The following PCLO variants were observed in gnomAD, a reference collection of about 807,000 sequenced individuals.
PCLO encodes the protein piccolo presynaptic cytomatrix protein.
PCLO carries 82 observed loss-of-function variants against 427.5 expected under a neutral mutation model. The observed-to-expected ratio is 0.19, with a 90% CI of 0.16 to 0.23. PCLO has a LOEUF of 0.23. Among genes scored for constraint, PCLO ranks in the 10% least tolerant of loss-of-function variants. The probability of loss-of-function intolerance (pLI) is 1.00; values close to 1 mark genes in which losing one functional copy is unlikely to be tolerated. For synonymous variants in PCLO, 2,357 were observed against 2,155.4 expected, an observed-to-expected ratio of 1.09 and a Z score of -2.59; for missense variants, 6,239 against 6,115.9, an observed-to-expected ratio of 1.02 and a Z score of -0.67.
intron 3 of PCLO, among the ~76,000 whole-genome samples, chr7:83,089,044 G>GA (rs1230356465): frequency 6.6e-6 from 1 of 152,030 alleles, no homozygotes; most frequent in Non-Finnish European, 1.5e-5. Context: ...GTATGTGAGA[G>GA]AAAATGAGTC....
At chr7:82,821,443 C>T in intron 20 of PCLO, 1 of 985,516 alleles carries the variant, frequency 1.0e-6, no homozygotes, top group Non-Finnish European at 1.2e-6. Flanking sequence ...ATGCACAGCA[C>T]TAAAGGGGTT....
chr7:82,919,184 T>G (rs1794539071), intron 6 of PCLO, among the ~76,000 whole-genome samples: 1 of 152,002 alleles, frequency 6.6e-6, no homozygotes, highest in Non-Finnish European at 1.5e-5. Context: ...CGTGTATACC[T>G]AAGTAACAAA....
chr7:83,071,661 A>T (rs1269082486), intron 3 of PCLO, among the ~76,000 whole-genome samples: 1 of 152,178 alleles, frequency 6.6e-6, no homozygotes, highest in Non-Finnish European at 1.5e-5. Context: ...CTAATAATAC[A>T]TCATGAATCT....
chr7:82,893,435 AG>A (rs1387641953), intron 9 of PCLO, among the ~76,000 whole-genome samples: 1 of 151,804 alleles, frequency 6.6e-6, no homozygotes, highest in Admixed American at 6.6e-5. Flanking sequence ...GGGTCAGGGA[AG>A]GGGGGAGGGA....
chr7:82,956,147 T>A lies in PCLO; in HGVS notation c.4806A>T (p.Lys1602Asn). 6.2e-7 allele frequency: 1 copy of A among 1,608,758 alleles called. No homozygotes were observed. Among genetic ancestry groups the A allele is most frequent in the South Asian group, 1.1e-5 (1 of 91,088 alleles). ...QKKEETKGKG[K>N]ITAGKHRRLT... Reference sequence around the variant, plus strand: ...GTCGTCTGTGTTTCCCTGCTGTTATTTTGCCTTTTCCCTTTGTTTCTTCCT... The same window carrying A: ...GTCGTCTGTGTTTCCCTGCTGTTATATTGCCTTTTCCCTTTGTTTCTTCCT... The change falls in exon 5 of 25, where the codon AAA (lysine) becomes AAT (asparagine). Residue 1602 changes from lysine (K) to asparagine (N), a missense_variant. By Grantham distance (94) the Lys-to-Asn change is moderately conservative. Transcript: ENST00000333891.
chr7:82,809,971 A>G (rs1362348762), intron 20 of PCLO, among the ~76,000 whole-genome samples: 1 of 151,700 alleles, frequency 6.6e-6, no homozygotes, highest in East Asian at 1.9e-4. Flanking sequence ...CAAAAAGTTC[A>G]TAATCACAAA....
At chr7:82,927,137 G>T (rs1162724915) in intron 6 of PCLO, among the ~76,000 whole-genome samples, 1 of 152,080 alleles carries the variant, frequency 6.6e-6, no homozygotes, top group Non-Finnish European at 1.5e-5. Context: ...GACTGCTTTA[G>T]AAAAAGATGA....
At chr7:82,949,448 C>T (rs1487459475) in intron 6 of PCLO, 28 bp downstream of exon 6, 2 of 1,499,948 alleles carry the variant, frequency 1.3e-6, no homozygotes, top group Non-Finnish European at 1.8e-6. Flanking sequence ...TCATCCATTG[C>T]CTTCCAACTG....
chr7:83,146,079 T>A (rs1791987423), intron 2 of PCLO, among the ~76,000 whole-genome samples: 1 of 152,226 alleles, frequency 6.6e-6, no homozygotes, highest in African/African-American at 2.4e-5. Flanking sequence ...ATAAAGTGCT[T>A]CGTGCACAGT....
intron 3 of PCLO, among the ~76,000 whole-genome samples, chr7:83,002,195 C>A (rs1787840688): frequency 6.6e-6 from 1 of 151,698 alleles, no homozygotes; most frequent in African/African-American, 2.4e-5. Context: ...ATCTTTTTCT[C>A]ATTCTATTAT....
At chr7:83,025,286 C>T (rs1056112274) in intron 3 of PCLO, among the ~76,000 whole-genome samples, 21 of 151,526 alleles carry the variant, frequency 1.4e-4, no homozygotes, top group Admixed American at 7.2e-4. Context: ...AAAACCAAGG[C>T]TCGAGAACTA....
At chr7:82,819,664 C>G (rs1791749429) in intron 20 of PCLO, among the ~76,000 whole-genome samples, 1 of 152,090 alleles carries the variant, frequency 6.6e-6, no homozygotes, top group Admixed American at 6.6e-5. Flanking sequence ...AATGTTTAAG[C>G]TGATTGTTTC....
intron 6 of PCLO, among the ~76,000 whole-genome samples, chr7:82,932,888 A>G (rs893378962): frequency 6.6e-6 from 1 of 152,046 alleles, no homozygotes; most frequent in Non-Finnish European, 1.5e-5. Context: ...TTACACTGTA[A>G]TAGAAAACTA....
Position 82,783,958 on chromosome 7 carries a change from C to T in PCLO, c.15007+17560G>A, listed in dbSNP as rs946143643. ...TATTACATGTATGTATATATAGACACATACATACATGAATCCGGAAGAAAT... is the reference window on the plus strand; with the variant it reads ...TATTACATGTATGTATATATAGACATATACATACATGAATCCGGAAGAAAT... On this transcript the variant is annotated intron_variant, in intron 22 of 24. Coordinates refer to ENST00000333891, the MANE Select transcript of PCLO (RefSeq NM_033026.6). 8.0e-5 allele frequency among the ~76,000 whole-genome samples: 12 copies of T among 150,746 alleles called. No individual in the cohort carries two copies. In the East Asian group the frequency reaches 2.4e-3, roughly 30 times the overall value.
chr7:83,037,697 G>T (rs1381610288), intron 3 of PCLO, among the ~76,000 whole-genome samples: 2 of 150,982 alleles, frequency 1.3e-5, no homozygotes, highest in African/African-American at 2.4e-5. Context: ...GCTTCCTCTG[G>T]CTTCTCTCAT....
chr7:83,027,215 T>A, intron 3 of PCLO, among the ~76,000 whole-genome samples: 1 of 140,022 alleles, frequency 7.1e-6, no homozygotes, highest in African/African-American at 2.6e-5. Context: ...CTAGCAAGAC[T>A]AATAAAGAAA....
chr7:82,775,791 A>T (rs1790737653), intron 22 of PCLO, among the ~76,000 whole-genome samples: 1 of 151,830 alleles, frequency 6.6e-6, no homozygotes, highest in African/African-American at 2.4e-5. Flanking sequence ...AATTGTCTAG[A>T]TTTTCTCCTA....
Position 82,954,970 on chromosome 7 carries a change from G to A in PCLO, c.5983C>T (p.Leu1995Phe). 1.9e-6 allele frequency: 3 copies of A among 1,613,774 alleles called. No individual in the cohort carries two copies. Among genetic ancestry groups the A allele is most frequent in the East Asian group, 2.2e-5 (1 of 44,872 alleles). Reference protein sequence around the residue: ...QQKGREQKIRLSEQIYEDPMQ... With the variant: ...QQKGREQKIRFSEQIYEDPMQ... ...GGATCTTCATAAATCTGTTCTGAAAGTCTTATCTTTTGCTCTCTTCCTTTC... is the reference window on the plus strand; with the variant it reads ...GGATCTTCATAAATCTGTTCTGAAAATCTTATCTTTTGCTCTCTTCCTTTC... Residue 1995 changes from leucine to phenylalanine, a missense_variant, in exon 5 of 25, where the codon CTT (leucine) becomes TTT (phenylalanine). Transcript: ENST00000333891.
intron 3 of PCLO, among the ~76,000 whole-genome samples, chr7:83,034,351 G>C (rs1788741456): frequency 6.6e-6 from 1 of 152,136 alleles, no homozygotes; most frequent in Non-Finnish European, 1.5e-5. Context: ...ACCACACCGA[G>C]CTACTTTTTA....
Sources: gnomAD v4.1 joint callset for allele counts (sites outside exome capture counted in the v4.1 genomes callset) on GRCh38, gnomAD v4.1.1 for gene constraint, MANE v1.5 for transcripts, NCBI Gene and HGNC (gene_info 2026-07-23, HGNC 2026-07-21) for gene names.